CUL5: variants seen among roughly 807,000 people sequenced by gnomAD.
The protein encoded by CUL5 is cullin 5.
In CUL5, 26 loss-of-function variants were observed where a neutral mutation model predicts 108.8. The observed-to-expected ratio is 0.24, with a 90% CI of 0.18 to 0.33. CUL5 has a LOEUF of 0.33. Ranked by LOEUF, CUL5 falls within the 10% of genes least tolerant of loss-of-function variation. CUL5 has a pLI of 1.00. For synonymous variants in CUL5, 334 were observed against 298.0 expected, an observed-to-expected ratio of 1.12 and a Z score of -1.25; for missense variants, 524 against 909.2, an observed-to-expected ratio of 0.58 and a Z score of 5.45.
chr11:108,047,161 T>TA (rs1367943471), intron 3 of CUL5, among the ~76,000 whole-genome samples: 1 of 151,714 alleles, frequency 6.6e-6, no homozygotes, highest in Non-Finnish European at 1.5e-5. Flanking sequence ...CTATACAAAA[T>TA]AAAAAATTAC....
At chr11:108,020,002 CAGTG>C (rs1016677351) in intron 1 of CUL5, among the ~76,000 whole-genome samples, 5 of 152,138 alleles carry the variant, frequency 3.3e-5, no homozygotes, top group African/African-American at 1.2e-4. Flanking sequence ...AGGGAACTAA[CAGTG>C]AGAACTCACT....
intron 1 of CUL5, among the ~76,000 whole-genome samples, chr11:108,017,608 G>C (rs1862232953): frequency 6.6e-6 from 1 of 151,854 alleles, no homozygotes; most frequent in Admixed American, 6.6e-5. Context: ...GCAGCACTTT[G>C]AGAAGCCCAG....
intron 1 of CUL5, among the ~76,000 whole-genome samples, chr11:108,018,018 G>A (rs920058132): frequency 6.6e-6 from 1 of 152,140 alleles, no homozygotes; most frequent in African/African-American, 2.4e-5. Context: ...TTTCTTAAAA[G>A]TCTGGTTATT....
chr11:108,035,708 C>G (rs1226479527), intron 2 of CUL5, among the ~76,000 whole-genome samples: 5 of 151,676 alleles, frequency 3.3e-5, no homozygotes, highest in Admixed American at 3.3e-4. Context: ...CAAGCCGTGA[C>G]TGTGCCACTA....
At chr11:108,058,568 T>A (rs906931352) in intron 7 of CUL5, among the ~76,000 whole-genome samples, 4 of 151,644 alleles carry the variant, frequency 2.6e-5, no homozygotes, top group Non-Finnish European at 5.9e-5. Flanking sequence ...TTTTTTTTTT[T>A]AAATGAAGTA....
Position 108,009,272 on chromosome 11 carries a change from C to T in CUL5, c.-77C>T, listed in dbSNP as rs1450713212. 3 of 1,544,170 alleles carry T rather than the reference C, an allele frequency of 1.9e-6. No homozygotes were observed. Among genetic ancestry groups the T allele is most frequent in the Non-Finnish European group, 2.7e-6 (3 of 1,121,930 alleles). On this transcript the variant is annotated 5_prime_UTR_variant, in exon 1 of 19. Coordinates refer to ENST00000393094, the MANE Select transcript of CUL5 (RefSeq NM_003478.6). ...GACGGGCCCTGGGCCCTGGTGGGAGCTCCGGCCTCCGGTCAAGGCCTGGCC... is the reference window on the plus strand; with the variant it reads ...GACGGGCCCTGGGCCCTGGTGGGAGTTCCGGCCTCCGGTCAAGGCCTGGCC...
intron 1 of CUL5, among the ~76,000 whole-genome samples, chr11:108,019,455 G>A (rs1449642001): frequency 1.3e-5 from 2 of 152,084 alleles, no homozygotes; most frequent in Admixed American, 1.3e-4. Flanking sequence ...GCCATTAATT[G>A]GATATACAGT....
intron 7 of CUL5, among the ~76,000 whole-genome samples, chr11:108,067,034 G>A (rs1863701376): frequency 6.6e-6 from 1 of 152,158 alleles, no homozygotes; most frequent in Non-Finnish European, 1.5e-5. Context: ...AAGAAAAGTT[G>A]GAGGCTATGG....
At chr11:108,097,917 GTTTAC>G in intron 17 of CUL5, among the ~76,000 whole-genome samples, 163 bp downstream of exon 17, 1 of 152,166 alleles carries the variant, frequency 6.6e-6, no homozygotes, top group Non-Finnish European at 1.5e-5. Context: ...TTAATCAGAT[GTTTAC>G]TTTTCTATAT....
intron 11 of CUL5, among the ~76,000 whole-genome samples, chr11:108,084,082 A>G (rs568550874): frequency 2.6e-5 from 4 of 152,302 alleles, no homozygotes; most frequent in African/African-American, 9.6e-5. Context: ...CAGGGAAGCC[A>G]AAAGATTGGA....
intron 8 of CUL5, among the ~76,000 whole-genome samples, chr11:108,071,342 C>T (rs1424860450): frequency 6.6e-6 from 1 of 152,082 alleles, no homozygotes; most frequent in Non-Finnish European, 1.5e-5. Flanking sequence ...TTCACTGTAG[C>T]CTTGACCTCC....
At chr11:108,074,355 C>T (rs1020228184) in intron 10 of CUL5, among the ~76,000 whole-genome samples, 5 of 151,496 alleles carry the variant, frequency 3.3e-5, no homozygotes, top group African/African-American at 9.7e-5. Flanking sequence ...CCACCATGCC[C>T]GGCTAATTTT....
chr11:108,066,612 G>T (rs1033670660), intron 7 of CUL5, among the ~76,000 whole-genome samples: 2 of 151,976 alleles, frequency 1.3e-5, no homozygotes, highest in Non-Finnish European at 2.9e-5. Flanking sequence ...AGATCATCTA[G>T]CCTTCATCAG....
chr11:108,084,392 C>T (rs1202964275), intron 11 of CUL5, among the ~76,000 whole-genome samples: 1 of 152,138 alleles, frequency 6.6e-6, no homozygotes, highest in African/African-American at 2.4e-5. Flanking sequence ...CTAGGCTAAG[C>T]AATACTGCTG....
intron 1 of CUL5, among the ~76,000 whole-genome samples, chr11:108,029,053 G>C (rs531082908): frequency 2.0e-5 from 3 of 152,308 alleles, no homozygotes; most frequent in African/African-American, 7.2e-5. Context: ...TCTATCTTAT[G>C]TTCTTTGCAT....
intron 1 of CUL5, among the ~76,000 whole-genome samples, chr11:108,024,866 C>T (rs937185007): frequency 1.3e-5 from 2 of 152,200 alleles, no homozygotes; most frequent in South Asian, 2.1e-4. Context: ...TTCCATCCTT[C>T]CATAATCTCA....
At position 108,097,743 on chromosome 11, in the gene CUL5, G is replaced by A. The variant is rs186168658; in HGVS notation, c.2013G>A (p.Glu671=). 6.3e-7 allele frequency: 1 copy of A among 1,588,096 alleles called. No homozygotes were observed. Among genetic ancestry groups the A allele is most frequent in the Non-Finnish European group, 8.6e-7 (1 of 1,157,418 alleles). ...GTACCCTCTTCTCAGTGAACCAGGA[G>A]TTCAGTTTAATGTAAGCTCGTTAGT... is the stretch of plus-strand genomic sequence containing the variant. The part of the protein sequence containing the change: ...TEGTLFSVNQ[E]FSLIKNAKVQ... Residue 671 remains glutamate (E), a synonymous_variant, in exon 17 of 19, where the codon GAG becomes GAA. Coordinates refer to ENST00000393094, the MANE Select transcript of CUL5 (RefSeq NM_003478.6).
At chr11:108,072,139 A>C (rs1266386329) in intron 8 of CUL5, among the ~76,000 whole-genome samples, 193 bp from the exon 9 acceptor site, 1 of 152,178 alleles carries the variant, frequency 6.6e-6, no homozygotes, top group East Asian at 1.9e-4. Flanking sequence ...TGATCGAGCC[A>C]CTGTACTCCA....
chr11:108,077,300 G>GGA (rs1863963679), intron 10 of CUL5, among the ~76,000 whole-genome samples: 1 of 152,196 alleles, frequency 6.6e-6, no homozygotes, highest in Admixed American at 6.5e-5. Context: ...TAAATAAGAT[G>GGA]GAGATAAACC....
Sources: gnomAD v4.1 joint callset for allele counts (sites outside exome capture counted in the v4.1 genomes callset) on GRCh38, gnomAD v4.1.1 for gene constraint, MANE v1.5 for transcripts, NCBI Gene and HGNC (gene_info 2026-07-23, HGNC 2026-07-21) for gene names.